The following FYN variants were observed in gnomAD, a reference collection of about 807,000 sequenced individuals.
FYN encodes the protein tyrosine-protein kinase Fyn.
Under a neutral mutation model 70.2 loss-of-function variants are expected in FYN, and 10 were observed. The observed-to-expected ratio is 0.14, with a 90% confidence interval of 0.09 to 0.24. FYN has a LOEUF of 0.24. Ranked by LOEUF, FYN falls within the 10% of genes least tolerant of loss-of-function variation. The probability of loss-of-function intolerance (pLI) is 1.00; values close to 1 mark genes in which losing one functional copy is unlikely to be tolerated. For synonymous variants in FYN, 236 were observed against 248.6 expected (o/e 0.95, Z 0.48); for missense variants, 319 against 673.1 (o/e 0.47, Z 5.82).
At chr6:111,758,663 G>C (rs1355445321) in intron 3 of FYN, among the ~76,000 whole-genome samples, 1 of 152,208 alleles carries the variant, frequency 6.6e-6, no homozygotes, top group Non-Finnish European at 1.5e-5. Context: ...CCTGGGGCAT[G>C]GCTCAGTGCC....
At chr6:111,668,827 T>C (rs1442573169) in intron 13 of FYN, among the ~76,000 whole-genome samples, 1 of 152,068 alleles carries the variant, frequency 6.6e-6, no homozygotes, top group Non-Finnish European at 1.5e-5. Context: ...ACACGCACCC[T>C]CGGCTAAGAT....
chr6:111,743,335 A>C (rs926220381), intron 3 of FYN, among the ~76,000 whole-genome samples: 1 of 152,212 alleles, frequency 6.6e-6, no homozygotes, highest in African/African-American at 2.4e-5. Context: ...GGCTTCCTCT[A>C]TCTGTATCCC....
intron 12 of FYN, among the ~76,000 whole-genome samples, chr6:111,677,488 G>T (rs190635755): frequency 9.9e-4 from 151 of 152,276 alleles, no homozygotes; most frequent in African/African-American, 3.5e-3. Context: ...GGAGTTAACT[G>T]GGGATTTTTG....
At chr6:111,679,200 G>A (rs943088085) in intron 12 of FYN, among the ~76,000 whole-genome samples, 1 of 152,142 alleles carries the variant, frequency 6.6e-6, no homozygotes, top group African/African-American at 2.4e-5. Context: ...TTAACCCATG[G>A]CTAATTCTTA....
chr6:111,797,665 CATATATATATATATATATAT>C (rs57984132), intron 2 of FYN, among the ~76,000 whole-genome samples: 1,691 of 90,904 alleles, frequency 0.019, 43 homozygotes, highest in African/African-American at 0.032. Flanking sequence ...ATCAAAGTTT[CATATATATATATATATATAT>C]ATATATATAT....
At chr6:111,813,066 C>T (rs1772376832) in intron 2 of FYN, among the ~76,000 whole-genome samples, 1 of 152,122 alleles carries the variant, frequency 6.6e-6, no homozygotes, top group Non-Finnish European at 1.5e-5. Flanking sequence ...ATTTACTATG[C>T]TATTTACTTC....
chr6:111,788,089 C>A (rs1771466841), intron 2 of FYN, among the ~76,000 whole-genome samples: 1 of 152,142 alleles, frequency 6.6e-6, no homozygotes, highest in Non-Finnish European at 1.5e-5. Flanking sequence ...AATACAGAAC[C>A]AACCTGTCCC....
chr6:111,783,472 C>G (rs1771251457), intron 2 of FYN, among the ~76,000 whole-genome samples: 1 of 152,108 alleles, frequency 6.6e-6, no homozygotes, highest in Non-Finnish European at 1.5e-5. Context: ...GTATTCATTA[C>G]CAATAAAAAT....
chr6:111,773,556 A>AGCG (rs1803564195), intron 3 of FYN, among the ~76,000 whole-genome samples: 1 of 24,596 alleles, frequency 4.1e-5, no homozygotes, highest in Non-Finnish European at 6.7e-5. Flanking sequence ...AGGGAGACGC[A>AGCG]GAGGAGGGAG....
intron 12 of FYN, among the ~76,000 whole-genome samples, chr6:111,692,111 C>CG (rs757870736): frequency 3.3e-5 from 5 of 149,948 alleles, no homozygotes; most frequent in Non-Finnish European, 7.4e-5. Flanking sequence ...TCCCCCCCCC[C>CG]CAGTTCAGCT....
intron 12 of FYN, among the ~76,000 whole-genome samples, chr6:111,690,224 C>T (rs1799256442): frequency 6.6e-6 from 1 of 151,894 alleles, no homozygotes; most frequent in African/African-American, 2.4e-5. Flanking sequence ...CCTTGTGGTG[C>T]CTGTGGTGAG....
At chr6:111,696,076 A>T (rs1799560007) in intron 10 of FYN, among the ~76,000 whole-genome samples, 1 of 152,232 alleles carries the variant, frequency 6.6e-6, no homozygotes. Context: ...GGCATTTCAT[A>T]AGGATTTGGG....
chr6:111,779,449 A>G (rs562188434), intron 3 of FYN, among the ~76,000 whole-genome samples: 2 of 152,340 alleles, frequency 1.3e-5, no homozygotes, highest in African/African-American at 4.8e-5. Flanking sequence ...CTGAAGTCCA[A>G]CCAATGGTAT....
At chr6:111,791,683 G>A (rs1298575581) in intron 2 of FYN, among the ~76,000 whole-genome samples, 3 of 152,180 alleles carry the variant, frequency 2.0e-5, no homozygotes, top group Non-Finnish European at 4.4e-5. Context: ...CTCTTCCCTA[G>A]AGCCTTCATC....
chr6:111,863,388 T>C (rs1211116299), intron 1 of FYN, among the ~76,000 whole-genome samples: 1 of 152,234 alleles, frequency 6.6e-6, no homozygotes, highest in African/African-American at 2.4e-5. Context: ...AGTGACAACA[T>C]TTGAAATTGT....
intron 4 of FYN, among the ~76,000 whole-genome samples, chr6:111,715,269 G>A (rs1035479856): frequency 5.3e-5 from 8 of 150,918 alleles, no homozygotes; most frequent in African/African-American, 1.2e-4. Flanking sequence ...AAATAGAGAC[G>A]GGGGTCTCAC....
chr6:111,753,145 G>C (rs17072874), intron 3 of FYN, among the ~76,000 whole-genome samples: 48,924 of 152,086 alleles, frequency 0.32, 8,873 homozygotes, highest in East Asian at 0.47. Flanking sequence ...AAGACAAGCT[G>C]TATTTAGGTA....
intron 13 of FYN, among the ~76,000 whole-genome samples, chr6:111,666,520 C>T (rs76461341): frequency 0.017 from 2,617 of 152,278 alleles, 81 homozygotes; most frequent in African/African-American, 0.061. Flanking sequence ...GGAAAACAGG[C>T]CATTGTGGTG....
At chr6:111,796,908 T>C (rs1279474339) in intron 2 of FYN, among the ~76,000 whole-genome samples, 2 of 152,248 alleles carry the variant, frequency 1.3e-5, no homozygotes, top group African/African-American at 4.8e-5. Flanking sequence ...ATTTATTGTA[T>C]CCAGGTTCAC....
Sources: gnomAD v4.1 joint callset for allele counts (sites outside exome capture counted in the v4.1 genomes callset) on GRCh38, gnomAD v4.1.1 for gene constraint, MANE v1.5 for transcripts, NCBI Gene and HGNC (gene_info 2026-07-23, HGNC 2026-07-21) for gene names.